Variants in SLC9A5 observed in about 807,000 individuals in gnomAD.
SLC9A5 encodes solute carrier family 9 member A5, also known as sodium/hydrogen exchanger 5.
In SLC9A5, 52 loss-of-function variants were observed where a neutral mutation model predicts 91.7. That is an observed-to-expected ratio of 0.57 (90% CI 0.45 to 0.71). The LOEUF is 0.71. Ranked by LOEUF, SLC9A5 falls within the 30% of genes least tolerant of loss-of-function variation. The pLI, the probability that SLC9A5 is intolerant of heterozygous loss-of-function variation, is 0.00. For synonymous variants in SLC9A5, 419 were observed against 474.5 expected, an observed-to-expected ratio of 0.88 and a Z score of 1.52; for missense variants, 871 against 1,158.9, an observed-to-expected ratio of 0.75 and a Z score of 3.61.
In SLC9A5 at chr16:67,257,255, G is replaced by T. The variant is rs984481688; in HGVS notation, c.1336-90G>T. ...AGACCTTGAGTGCAGTGGGGTAGGG[G>T]TACTGAAGCTGAAGCCTCATTACGG... On this transcript the variant is annotated intron_variant, in intron 7 of 15. Coordinates refer to ENST00000299798, the MANE Select transcript of SLC9A5 (RefSeq NM_004594.3). This position sits in a 1 kb window ranked among gnomAD's most constrained non-coding sequence, Gnocchi z 5.1. 8.7e-5 allele frequency: 120 copies of T among 1,375,158 alleles called. 1 individual carries two copies. In the African/African-American group the frequency reaches 1.7e-3, roughly 19 times the overall value. The allele number at this position is 1,375,158 out of a possible 1,614,324, so 85.2% of individuals were successfully genotyped here.
In SLC9A5 at chr16:67,252,972, G is replaced by A. The variant is rs1442021742; in HGVS notation, c.490+128G>A. On this transcript the variant is annotated intron_variant, in intron 2 of 15. Coordinates refer to ENST00000299798, the MANE Select transcript of SLC9A5 (RefSeq NM_004594.3). This position sits in a 1 kb window ranked among gnomAD's most constrained non-coding sequence, Gnocchi z 4.0. ...CATCCTAGGTCCCTCCCTCTGGAGT[G>A]CAAGGCAGTGCTCCCGCTGGGGTTC... is the stretch of plus-strand genomic sequence containing the variant. The A allele has an allele frequency of 6.1e-6, 5 of 815,548 alleles. No homozygotes were observed. The African/African-American group carries it at 6.9e-5, about 11-fold the overall frequency. The allele number at this position is 815,548 out of a possible 1,614,324, so 50.5% of individuals were successfully genotyped here.
At chr16:67,253,714 G>A (rs1022742533) in intron 2 of SLC9A5, among the ~76,000 whole-genome samples, 13 of 152,256 alleles carry the variant, frequency 8.5e-5, no homozygotes, top group African/African-American at 2.6e-4. Context: ...GTAGAGATGG[G>A]GTTTCGCCAT....
chr16:67,249,759 C>A (rs891864054), intron 1 of SLC9A5, among the ~76,000 whole-genome samples: 1 of 152,206 alleles, frequency 6.6e-6, no homozygotes, highest in African/African-American at 2.4e-5. Context: ...GGGTACCCCC[C>A]CAACCCACGT....
intron 13 of SLC9A5, 100 bp from the exon 14 acceptor site, chr16:67,264,940 C>T: frequency 8.1e-7 from 1 of 1,238,794 alleles, no homozygotes; most frequent in Non-Finnish European, 1.2e-6. Flanking sequence ...ATTCCCTCCC[C>T]TGCTGGGTTA....
intron 2 of SLC9A5, among the ~76,000 whole-genome samples, chr16:67,253,487 T>C (rs2035205043): frequency 6.6e-6 from 1 of 152,116 alleles, no homozygotes. Context: ...TGCTATCAGG[T>C]CCAAGGTTAG....
Position 67,258,809 on chromosome 16 carries a change from C to T in SLC9A5, c.1626+362C>T, listed in dbSNP as rs1479316074. 3.4e-5 allele frequency among the ~76,000 whole-genome samples: 5 copies of T among 145,460 alleles called. No homozygotes were observed. The highest frequency in any genetic ancestry group is 1.3e-4 in the African/African-American group (5 of 38,992). On this transcript the variant is annotated intron_variant, in intron 10 of 15. Coordinates refer to ENST00000299798, the MANE Select transcript of SLC9A5 (RefSeq NM_004594.3). This position sits in a 1 kb window ranked among gnomAD's most constrained non-coding sequence, Gnocchi z 4.5. Reference sequence around the variant, plus strand: ...GCCTGTAATCCCAGCACTGTGGGAGCCTGAGGTGGGTAGATCACTTGAGGT... The same window carrying T: ...GCCTGTAATCCCAGCACTGTGGGAGTCTGAGGTGGGTAGATCACTTGAGGT...
intron 15 of SLC9A5, among the ~76,000 whole-genome samples, chr16:67,268,684 ATATATATATATATATATATATATATATT>A (rs1259762259): frequency 5.5e-5 from 4 of 72,668 alleles, no homozygotes; most frequent in African/African-American, 3.7e-4. Flanking sequence ...ATATATATAT[ATATATATATATATATATATATATATATT>A]TTTACAGTAG....
chr16:67,268,697 T>A (rs190677948), intron 15 of SLC9A5, among the ~76,000 whole-genome samples: 8,259 of 91,658 alleles, frequency 0.09, 1,530 homozygotes, highest in African/African-American at 0.29. Context: ...TATATATATA[T>A]ATATATATAT....
chr16:67,262,027 T>TA (rs1453845006), intron 12 of SLC9A5: 7 of 320,036 alleles, frequency 2.2e-5, no homozygotes, highest in African/African-American at 1.5e-4. Flanking sequence ...GTCTGTTTTT[T>TA]AAAAATCTGG....
In SLC9A5 at chr16:67,264,343, C is replaced by T. The variant is rs376751445; in HGVS notation, c.1843-9C>T. 8 of 1,613,384 alleles carry T rather than the reference C, an allele frequency of 5.0e-6. No homozygotes were observed. Among genetic ancestry groups the T allele is most frequent in the Non-Finnish European group, 6.8e-6 (8 of 1,179,764 alleles). On this transcript the variant is annotated splice_polypyrimidine_tract_variant and intron_variant, in intron 12 of 15. Coordinates refer to ENST00000299798, the MANE Select transcript of SLC9A5 (RefSeq NM_004594.3). Reference sequence around the variant, plus strand: ...CATCCTCATAGCCAGGCGGGGCTGTCATTGCCAGTACAAAGCCAGCTGCAG... The same window carrying T: ...CATCCTCATAGCCAGGCGGGGCTGTTATTGCCAGTACAAAGCCAGCTGCAG...
In SLC9A5 at chr16:67,258,474, A is replaced by C; in HGVS notation, c.1626+27A>C. 2 of 1,613,674 alleles carry C rather than the reference A, an allele frequency of 1.2e-6. No homozygotes were observed. Among genetic ancestry groups the C allele is most frequent in the Non-Finnish European group, 1.7e-6 (2 of 1,179,848 alleles). On this transcript the variant is annotated intron_variant, in intron 10 of 15. Coordinates refer to ENST00000299798, the MANE Select transcript of SLC9A5 (RefSeq NM_004594.3). This position sits in a 1 kb window ranked among gnomAD's most constrained non-coding sequence, Gnocchi z 4.5. ...TGGGCCAGCAGCTTCCAGGTGGGCC[A>C]GTGGTGGGTGGGCAGATGGTCAGCA...
At chr16:67,249,373 C>G (rs2035025111) in intron 1 of SLC9A5, among the ~76,000 whole-genome samples, 172 bp downstream of exon 1, 1 of 152,194 alleles carries the variant, frequency 6.6e-6, no homozygotes, top group Non-Finnish European at 1.5e-5. Context: ...TCTTGTGGGT[C>G]CCAGGTCCCT....
In SLC9A5 at chr16:67,252,884, C is replaced by G. The variant is rs753103896; in HGVS notation, c.490+40C>G. 2.4e-5 allele frequency: 37 copies of G among 1,551,832 alleles called. No individual in the cohort carries two copies. The highest frequency in any genetic ancestry group is 4.6e-4 in the Middle Eastern group (2 of 4,324). ...GACCTGGGCTTTGCCAGACCCATCA[C>G]CCCTCTCCCTTCTCCTCAAGCTCTG... On this transcript the variant is annotated intron_variant, in intron 2 of 15. Coordinates refer to ENST00000299798, the MANE Select transcript of SLC9A5 (RefSeq NM_004594.3). The surrounding 1 kb of genome is among the most constrained non-coding windows in gnomAD (Gnocchi z 4.0).
intron 12 of SLC9A5, chr16:67,262,031 A>T: frequency 3.2e-6 from 1 of 317,176 alleles, no homozygotes; most frequent in South Asian, 2.7e-5. Flanking sequence ...GTTTTTTAAA[A>T]ATCTGGAATA....
chr16:67,269,390 C>A (rs925324094), intron 15 of SLC9A5, among the ~76,000 whole-genome samples: 2 of 152,092 alleles, frequency 1.3e-5, no homozygotes, highest in East Asian at 1.9e-4. Context: ...TGAGATCGTG[C>A]CTCTACACTC....
At chr16:67,264,251 G>A in intron 12 of SLC9A5, 101 bp from the exon 13 acceptor site, 1 of 972,088 alleles carries the variant, frequency 1.0e-6, no homozygotes, top group South Asian at 1.6e-5. Context: ...GAAAAGCTGG[G>A]CTGGCAGGTC....
chr16:67,250,043 A>G (rs1339696926), intron 1 of SLC9A5, among the ~76,000 whole-genome samples: 1 of 151,902 alleles, frequency 6.6e-6, no homozygotes, highest in Non-Finnish European at 1.5e-5. Flanking sequence ...GGGGTGACTA[A>G]TTATAGCTGA....
chr16:67,249,284 G>C, intron 1 of SLC9A5, 83 bp downstream of exon 1: 1 of 1,161,786 alleles, frequency 8.6e-7, no homozygotes, highest in Non-Finnish European at 1.1e-6. Context: ...TCCTCAGATT[G>C]GGGCTGGCTT....
intron 1 of SLC9A5, among the ~76,000 whole-genome samples, chr16:67,249,525 C>A (rs1445941588): frequency 6.6e-6 from 1 of 152,200 alleles, no homozygotes; most frequent in African/African-American, 2.4e-5. Flanking sequence ...GTCTCTCCCC[C>A]ACCAATCCCT....
Sources: gnomAD v4.1 joint callset for allele counts (sites outside exome capture counted in the v4.1 genomes callset) on GRCh38, gnomAD v4.1.1 for gene constraint, Gnocchi (gnomAD v3.1) non-coding constraint, MANE v1.5 for transcripts, NCBI Gene and HGNC (gene_info 2026-07-23, HGNC 2026-07-21) for gene names.